Variants in ANKRD17 observed in about 807,000 individuals in gnomAD.
ANKRD17 encodes ankyrin repeat domain 17.
In ANKRD17, 19 loss-of-function variants were observed where a neutral mutation model predicts 229.7. The observed-to-expected ratio is 0.08, with a 90% CI of 0.06 to 0.12. ANKRD17 has a LOEUF of 0.12. Ranked by LOEUF, ANKRD17 falls within the 10% of genes least tolerant of loss-of-function variation. ANKRD17 has a pLI of 1.00. For missense variants in ANKRD17, 2,176 were observed against 3,176.8 expected (o/e 0.68, Z 7.57); for synonymous variants, 1,112 against 1,146.1 (o/e 0.97, Z 0.60).
intron 1 of ANKRD17, among the ~76,000 whole-genome samples, chr4:73,223,701 G>A (rs1202485633): frequency 3.9e-5 from 6 of 152,048 alleles, no homozygotes. Context: ...TTCTAGTAGT[G>A]CCTTTAACTT....
At chr4:73,142,199 AAAG>A in intron 13 of ANKRD17, 40 bp downstream of exon 13, 1 of 1,498,516 alleles carries the variant, frequency 6.7e-7, no homozygotes, top group Middle Eastern at 1.8e-4. Flanking sequence ...GAATTAGGAT[AAAG>A]AAGACATACC....
rs1215559662 is a variant in ANKRD17 at position 73,257,154 on chromosome 4, TTTTCCCTCTGCTGATAAAGA to T, written c.393+1102_393+1121del. On this transcript the variant is annotated intron_variant, in intron 1 of 33. Coordinates refer to ENST00000358602, the MANE Select transcript of ANKRD17 (RefSeq NM_032217.5). ...AGTTTAAAATCAGCCTTTAAAGCTGTTTTCCCTCTGCTGATAAAGATTTCCCTCTCCAAATAAAGATTTTT... is the reference window on the plus strand; with the variant it reads ...AGTTTAAAATCAGCCTTTAAAGCTGTTTTCCCTCTCCAAATAAAGATTTTT... 9.2e-5 allele frequency among the ~76,000 whole-genome samples: 14 copies of T among 152,308 alleles called. No homozygotes were observed. The East Asian group carries it at 2.3e-3, about 25-fold the overall frequency.
chr4:73,211,593 T>C (rs1560731764), intron 1 of ANKRD17, among the ~76,000 whole-genome samples: 1 of 152,148 alleles, frequency 6.6e-6, no homozygotes, highest in East Asian at 1.9e-4. Flanking sequence ...ATGCCTGTAA[T>C]CTCAGCACTT....
chr4:73,108,572 A>G (rs1724919419), intron 24 of ANKRD17, among the ~76,000 whole-genome samples: 1 of 152,214 alleles, frequency 6.6e-6, no homozygotes, highest in Non-Finnish European at 1.5e-5. Flanking sequence ...CCAAGTGAAG[A>G]GAGTATATCA....
At chr4:73,167,816 T>A (rs1733431323) in intron 2 of ANKRD17, among the ~76,000 whole-genome samples, 2 of 152,084 alleles carry the variant, frequency 1.3e-5, no homozygotes, top group Non-Finnish European at 2.9e-5. Flanking sequence ...ATTCTAGAAT[T>A]TTACCTTGGA....
chr4:73,258,168 T>G, intron 1 of ANKRD17, 108 bp downstream of exon 1: 1 of 1,548,034 alleles, frequency 6.5e-7, no homozygotes. Flanking sequence ...GCCTGGCCCC[T>G]AAGAGATCAA....
At chr4:73,166,262 T>C (rs1733214865) in intron 2 of ANKRD17, among the ~76,000 whole-genome samples, 1 of 152,154 alleles carries the variant, frequency 6.6e-6, no homozygotes, top group South Asian at 2.1e-4. Flanking sequence ...CCAACCAAAG[T>C]ATTGAAAATG....
chr4:73,186,591 TG>T (rs1247528085), intron 1 of ANKRD17, among the ~76,000 whole-genome samples: 1 of 152,166 alleles, frequency 6.6e-6, no homozygotes, highest in Non-Finnish European at 1.5e-5. Flanking sequence ...AACACAGCTT[TG>T]TTCTATAGCA....
intron 1 of ANKRD17, among the ~76,000 whole-genome samples, chr4:73,230,482 C>G (rs903964009): frequency 3.2e-4 from 49 of 152,070 alleles, no homozygotes; most frequent in African/African-American, 1.1e-3. Flanking sequence ...ACACTGGAGA[C>G]AGAATGGCAA....
intron 20 of ANKRD17, 90 bp from the exon 21 acceptor site, chr4:73,120,427 G>A: frequency 4.1e-6 from 5 of 1,214,240 alleles, no homozygotes; most frequent in Non-Finnish European, 5.7e-6. Context: ...GAAGGAATAT[G>A]ATACAGCTGT....
intron 33 of ANKRD17, 71 bp downstream of exon 33, chr4:73,076,869 C>T (rs1721054520): frequency 4.6e-6 from 7 of 1,507,806 alleles, no homozygotes; most frequent in Non-Finnish European, 5.4e-6. Context: ...TCATGAGTTA[C>T]CTGAATCCTA....
chr4:73,168,025 G>A (rs1272598572), intron 2 of ANKRD17, among the ~76,000 whole-genome samples: 2 of 152,006 alleles, frequency 1.3e-5, no homozygotes, highest in East Asian at 3.9e-4. Flanking sequence ...GGTGGCAGAC[G>A]CCTGTAGTCC....
chr4:73,224,272 C>G (rs974271193), intron 1 of ANKRD17, among the ~76,000 whole-genome samples: 3 of 152,130 alleles, frequency 2.0e-5, no homozygotes, highest in Admixed American at 6.5e-5. Flanking sequence ...GTTTTATGCT[C>G]TAAACTGAGA....
chr4:73,085,622 G>A lies in ANKRD17; in HGVS notation c.6962-176C>T, dbSNP rs542710138. Among the ~76,000 whole-genome samples the A allele has an allele frequency of 1.2e-4, 18 of 151,250 alleles. No homozygotes were observed. In the South Asian group the frequency reaches 3.6e-3, roughly 30 times the overall value. On this transcript the variant is annotated intron_variant, in intron 29 of 33. Coordinates refer to ENST00000358602, the MANE Select transcript of ANKRD17 (RefSeq NM_032217.5). Reference sequence around the variant, plus strand: ...CCAGCACTTTGGGAGGCCAAGGTGGGAGGACTGCTTATGGCCAGGCATTCA... The same window carrying A: ...CCAGCACTTTGGGAGGCCAAGGTGGAAGGACTGCTTATGGCCAGGCATTCA...
At chr4:73,194,413 C>T (rs907848458) in intron 1 of ANKRD17, among the ~76,000 whole-genome samples, 3 of 152,180 alleles carry the variant, frequency 2.0e-5, no homozygotes, top group Admixed American at 2.0e-4. Context: ...CTTCCCTAGA[C>T]TATTCTGATC....
chr4:73,121,646 T>C lies in ANKRD17; in HGVS notation c.3606A>G (p.Leu1202=), dbSNP rs1726736170. ...AGTTAATCTCAGCTCCTGCATTTAG[T>C]AATATTTTGATGATGTTCACATAGC... ...SGGYVNIIKI[L]LNAGAEINSR... The change falls in exon 19 of 34, where the codon TTA becomes TTG. Residue 1202 remains leucine, a synonymous_variant. Coordinates refer to ENST00000358602, the MANE Select transcript of ANKRD17 (RefSeq NM_032217.5). 2 of 1,613,680 alleles carry C rather than the reference T, an allele frequency of 1.2e-6. No individual in the cohort carries two copies. The highest frequency in any genetic ancestry group is 1.3e-5 in the African/African-American group (1 of 74,914).
chr4:73,102,583 A>G, intron 24 of ANKRD17, 36 bp from the exon 25 acceptor site: 1 of 1,575,064 alleles, frequency 6.3e-7, no homozygotes, highest in Non-Finnish European at 8.5e-7. Flanking sequence ...TATAACGTTG[A>G]AATTTACCCT....
intron 1 of ANKRD17, among the ~76,000 whole-genome samples, chr4:73,249,275 C>T (rs930464037): frequency 2.6e-5 from 4 of 151,968 alleles, no homozygotes; most frequent in Non-Finnish European, 4.4e-5. Flanking sequence ...TTTTCTATTC[C>T]TTTCTTTTGT....
chr4:73,221,275 A>G (rs1182780129), intron 1 of ANKRD17, among the ~76,000 whole-genome samples: 1 of 152,150 alleles, frequency 6.6e-6, no homozygotes, highest in Non-Finnish European at 1.5e-5. Context: ...AACTAGCAAC[A>G]TTGAATAAAT....
Sources: allele counts gnomAD v4.1 joint callset (sites outside exome capture counted in the v4.1 genomes callset), GRCh38; gene constraint gnomAD v4.1.1; transcripts MANE v1.5; gene names NCBI Gene and HGNC (gene_info 2026-07-23, HGNC 2026-07-21).